The following FDXR variants were observed in gnomAD, a reference collection of about 807,000 sequenced individuals.
The protein encoded by FDXR is NADPH:adrenodoxin oxidoreductase, mitochondrial.
In FDXR, 38 loss-of-function variants were observed where a neutral mutation model predicts 58.3. That is an observed-to-expected ratio of 0.65 (90% CI 0.50 to 0.85). The LOEUF (loss-of-function observed/expected upper bound fraction) is 0.85. FDXR is among the 40% of genes least tolerant of loss of function. The probability of loss-of-function intolerance (pLI) is 0.00; values close to 1 mark genes in which losing one functional copy is unlikely to be tolerated. For synonymous variants in FDXR, 275 were observed against 273.8 expected, an observed-to-expected ratio of 1.00 and a Z score of -0.04; for missense variants, 624 against 671.0, an observed-to-expected ratio of 0.93 and a Z score of 0.77.
intron 10 of FDXR, 125 bp from the exon 11 acceptor site, chr17:74,863,371 G>T: frequency 1.1e-6 from 1 of 912,782 alleles, no homozygotes; most frequent in Non-Finnish European, 1.6e-6. Context: ...CAGACTGTCG[G>T]CTGAGCCTGC....
intron 2 of FDXR, among the ~76,000 whole-genome samples, chr17:74,870,350 C>T (rs1195020956): frequency 1.3e-5 from 2 of 152,012 alleles, no homozygotes; most frequent in African/African-American, 4.8e-5. Context: ...AACCCTGTCT[C>T]AACCAAAAAT....
rs946259313 is a variant in FDXR at position 74,865,886 on chromosome 17, G to A, written c.508-66C>T. On this transcript the variant is annotated intron_variant, in intron 5 of 11. Coordinates refer to ENST00000293195, the MANE Select transcript of FDXR (RefSeq NM_024417.5). ...CCACTCAGTTCATCTCAGTCTGCAGGTGCCTCATGCCTGGTCCCCACTGTG... is the reference window on the plus strand; with the variant it reads ...CCACTCAGTTCATCTCAGTCTGCAGATGCCTCATGCCTGGTCCCCACTGTG... 96 of 1,287,314 alleles carry A rather than the reference G, an allele frequency of 7.5e-5. No homozygotes were observed. The African/African-American group carries it at 1.1e-3, about 15-fold the overall frequency. The allele number at this position is 1,287,314 out of a possible 1,614,324, so 79.7% of individuals were successfully genotyped here. A position where few individuals can be genotyped will look rare whatever the true frequency, so the allele number is the denominator to read the frequency against.
chr17:74,871,660 G>T (rs373000057), intron 2 of FDXR, among the ~76,000 whole-genome samples: 1 of 152,196 alleles, frequency 6.6e-6, no homozygotes, highest in African/African-American at 2.4e-5. Context: ...AAGCGGAGGA[G>T]GTGGGTAGCC....
At chr17:74,865,144 T>C (rs1019912298) in intron 6 of FDXR, among the ~76,000 whole-genome samples, 11 of 152,210 alleles carry the variant, frequency 7.2e-5, no homozygotes, top group Admixed American at 3.9e-4. Flanking sequence ...TCAACAAGTA[T>C]GTAGTGGGCC....
At chr17:74,872,458 C>T in intron 1 of FDXR, 1 of 653,686 alleles carries the variant, frequency 1.5e-6, no homozygotes, top group Non-Finnish European at 2.6e-6. Context: ...CCCAATCTCG[C>T]CCCCGTGGGT....
chr17:74,863,267 G>A (rs1242853480), intron 10 of FDXR, 21 bp from the exon 11 acceptor site: 2 of 1,603,146 alleles, frequency 1.2e-6, no homozygotes, highest in Non-Finnish European at 1.7e-6. Context: ...GTAACAAAAG[G>A]GGAAGGGAGG....
Position 74,864,081 on chromosome 17 carries a change from T to C in FDXR, c.1003-14A>G, listed in dbSNP as rs775856029. ...CTCATCGACACCCTGTTGGGGAGAGTGTGGGCAACACCAGGCGGGTGGCAG... is the reference window on the plus strand; with the variant it reads ...CTCATCGACACCCTGTTGGGGAGAGCGTGGGCAACACCAGGCGGGTGGCAG... On this transcript the variant is annotated splice_polypyrimidine_tract_variant and intron_variant, in intron 9 of 11. Transcript: ENST00000293195. 34 of 1,613,200 alleles carry C rather than the reference T, an allele frequency of 2.1e-5. No homozygotes were observed. The Middle Eastern group carries it at 1.6e-3, about 78-fold the overall frequency.
chr17:74,870,599 A>ACC (rs1598537858), intron 2 of FDXR, among the ~76,000 whole-genome samples: 5 of 151,438 alleles, frequency 3.3e-5, no homozygotes, highest in East Asian at 1.9e-4. Context: ...GCTAAAAAAA[A>ACC]ACTGTCCCTT....
Position 74,862,902 on chromosome 17 carries a change from T to A in FDXR, c.1391A>T (p.Glu464Val). 6.2e-7 allele frequency: 1 copy of A among 1,613,122 alleles called. No homozygotes were observed. The highest frequency in any genetic ancestry group is 8.5e-7 in the Non-Finnish European group (1 of 1,179,976). Reference protein sequence around the residue: ...SFSDWEKLDAEEVARGQGTGK... With the variant: ...SFSDWEKLDAVEVARGQGTGK... ...CGTGCCCTGGCCCCGGGCCACCTCCTCGGCATCCAGCTTCTCCCAGTCTGA... is the reference window on the plus strand; with the variant it reads ...CGTGCCCTGGCCCCGGGCCACCTCCACGGCATCCAGCTTCTCCCAGTCTGA... Residue 464 changes from glutamate to valine, a missense_variant, in exon 12 of 12, where the codon GAG (glutamate) becomes GTG (valine). Transcript: ENST00000293195.
chr17:74,869,587 C>G (rs1399773021), intron 2 of FDXR, among the ~76,000 whole-genome samples: 3 of 152,212 alleles, frequency 2.0e-5, no homozygotes, highest in Non-Finnish European at 4.4e-5. Flanking sequence ...GTCCCCCAAC[C>G]TGACATCTAC....
chr17:74,865,801 C>G lies in FDXR; in HGVS notation c.527G>C (p.Cys176Ser), dbSNP rs1393825409. Residue 176 changes from cysteine to serine, a missense_variant, in exon 6 of 12, where the codon TGT becomes TCT. Cys to Ser is a moderately radical substitution (Grantham distance 112). Transcript: ENST00000293195. The stretch of plus-strand genomic sequence containing the variant: ...CTGCCCCAGAATCACGGCTGTGTCA[C>G]AGCTCAGGTCTGGCTCCAGCTGGAG... ...ENQELEPDLS[C>S]DTAVILGQGN... is the part of the protein sequence containing the mutation. The G allele has an allele frequency of 6.2e-7, 1 of 1,613,556 alleles. No individual in the cohort carries two copies.
Position 74,862,963 on chromosome 17 carries a change from G to A in FDXR, c.1346-16C>T. ...GGCCGGACCCCTGAAGCAGAGGGGA[G>A]ATTGTCAACACCTCCTCCTTCACCC... On this transcript the variant is annotated splice_polypyrimidine_tract_variant and intron_variant, in intron 11 of 11. Transcript: ENST00000293195. 4.4e-6 allele frequency: 7 copies of A among 1,608,880 alleles called. No individual in the cohort carries two copies. The highest frequency in any genetic ancestry group is 5.9e-6 in the Non-Finnish European group (7 of 1,179,716).
intron 2 of FDXR, chr17:74,868,721 T>C: frequency 4.6e-6 from 7 of 1,518,170 alleles, no homozygotes. Context: ...CTCCTGTCCC[T>C]CTAGCTGCTC....
At chr17:74,864,958 C>T (rs1287623160) in intron 6 of FDXR, 27 bp from the exon 7 acceptor site, 1 of 1,613,946 alleles carries the variant, frequency 6.2e-7, no homozygotes, top group South Asian at 1.1e-5. Flanking sequence ...GCCTTGGAGT[C>T]ATCAGACACT....
Position 74,863,884 on chromosome 17 carries a change from A to G in FDXR, c.1174+12T>C. On this transcript the variant is annotated intron_variant, in intron 10 of 11. Transcript: ENST00000293195. ...CCATAATTCAGCACCCAGCCTCCTCACACCCTCTCACCTGGCACATCCATA... is the reference window on the plus strand; with the variant it reads ...CCATAATTCAGCACCCAGCCTCCTCGCACCCTCTCACCTGGCACATCCATA... The G allele has an allele frequency of 6.2e-7, 1 of 1,607,276 alleles. No homozygotes were observed. Among genetic ancestry groups the G allele is most frequent in the Non-Finnish European group, 8.5e-7 (1 of 1,175,558 alleles).
chr17:74,866,678 G>A (rs1416211526), intron 3 of FDXR, 106 bp downstream of exon 3: 11 of 1,584,390 alleles, frequency 6.9e-6, no homozygotes, highest in Admixed American at 1.7e-5. Flanking sequence ...TGGGTGGCAT[G>A]GGCACAGACG....
rs759021571 is a variant in FDXR at position 74,872,850 on chromosome 17, G to A, written c.79+16C>T. 50 of 1,545,784 alleles carry A rather than the reference G, an allele frequency of 3.2e-5. No individual in the cohort carries two copies. Among genetic ancestry groups the A allele is most frequent in the Non-Finnish European group, 4.2e-5 (48 of 1,146,720 alleles). Reference sequence around the variant, plus strand: ...CCCCGCGCTCCCATCCAGCCCCAAAGGCGCCCTGCTCCTACTCGGGGTGCT... The same window carrying A: ...CCCCGCGCTCCCATCCAGCCCCAAAAGCGCCCTGCTCCTACTCGGGGTGCT... On this transcript the variant is annotated intron_variant, in intron 1 of 11. Coordinates refer to ENST00000293195, the MANE Select transcript of FDXR (RefSeq NM_024417.5).
intron 2 of FDXR, chr17:74,868,835 T>G: frequency 8.1e-7 from 1 of 1,238,016 alleles, no homozygotes. Context: ...CCCCTGAACT[T>G]GCTGATGACT....
intron 10 of FDXR, 98 bp downstream of exon 10, chr17:74,863,798 G>A: frequency 6.9e-7 from 1 of 1,453,010 alleles, no homozygotes; most frequent in Non-Finnish European, 9.4e-7. Context: ...AAGCTTCTCA[G>A]TACATGTTGC....
Sources: gnomAD v4.1 joint callset for allele counts (sites outside exome capture counted in the v4.1 genomes callset) on GRCh38, gnomAD v4.1.1 for gene constraint, MANE v1.5 for transcripts, NCBI Gene and HGNC (gene_info 2026-07-23, HGNC 2026-07-21) for gene names.